Variants in RNF13 observed in about 807,000 individuals in gnomAD.
The protein encoded by RNF13 is E3 ubiquitin-protein ligase RNF13.
In RNF13, 19 loss-of-function variants were observed where a neutral mutation model predicts 37.7. The ratio of observed to expected loss-of-function variants is 0.50; its 90% CI spans 0.35 to 0.74. RNF13 has a LOEUF of 0.74. Ranked by LOEUF, RNF13 falls within the 30% of genes least tolerant of loss-of-function variation. The pLI, the probability that RNF13 is intolerant of heterozygous loss-of-function variation, is 0.01. For missense variants in RNF13, 375 were observed against 453.0 expected, an observed-to-expected ratio of 0.83 and a Z score of 1.56; for synonymous variants, 144 against 157.8, an observed-to-expected ratio of 0.91 and a Z score of 0.65.
chr3:149,926,941 C>T (rs1466261698), intron 8 of RNF13, among the ~76,000 whole-genome samples: 3 of 151,970 alleles, frequency 2.0e-5, no homozygotes, highest in Admixed American at 2.0e-4. Flanking sequence ...AGGTAAAAAT[C>T]GAATTGTCAA....
At chr3:149,960,632 C>T in intron 9 of RNF13, 108 bp from the exon 10 acceptor site, 1 of 1,030,194 alleles carries the variant, frequency 9.7e-7, no homozygotes, top group Non-Finnish European at 1.4e-6. Flanking sequence ...AACTTTCTTC[C>T]CGTCCCTACA....
intron 8 of RNF13, among the ~76,000 whole-genome samples, chr3:149,955,165 T>C (rs972961835): frequency 2.0e-5 from 3 of 152,130 alleles, no homozygotes; most frequent in Admixed American, 1.3e-4. Context: ...GAAGATTATA[T>C]GTACAGGAGG....
At chr3:149,941,360 GCT>G (rs1274545070) in intron 8 of RNF13, among the ~76,000 whole-genome samples, 1 of 151,906 alleles carries the variant, frequency 6.6e-6, no homozygotes, top group African/African-American at 2.4e-5. Flanking sequence ...CTTACATTCT[GCT>G]CTTTTGTTAG....
intron 8 of RNF13, among the ~76,000 whole-genome samples, chr3:149,931,868 A>G (rs1719194278): frequency 6.6e-6 from 1 of 152,110 alleles, no homozygotes; most frequent in African/African-American, 2.4e-5. Context: ...GCATCTGGTA[A>G]CCACCAGTTT....
Position 149,815,275 on chromosome 3 carries a change from G to A in RNF13, c.-17+1922G>A, listed in dbSNP as rs567724732. 1.6e-3 allele frequency among the ~76,000 whole-genome samples: 238 copies of A among 152,268 alleles called. 2 individuals carry two copies. The East Asian group carries it at 0.017, about 11-fold the overall frequency. ...TTATGTCTTTGAGTTAAGTTGGCTA[G>A]GAAGGCATTTTATGCCTTATAGTTC... On this transcript the variant is annotated intron_variant, in intron 1 of 9. Coordinates refer to ENST00000392894, the MANE Select transcript of RNF13 (RefSeq NM_183381.3).
chr3:149,860,540 A>G (rs1034687580), intron 3 of RNF13, among the ~76,000 whole-genome samples: 1 of 152,006 alleles, frequency 6.6e-6, no homozygotes, highest in African/African-American at 2.4e-5. Flanking sequence ...TCTTCAATAA[A>G]GAATGCTGGG....
chr3:149,924,652 C>CAG (rs1553768411), intron 8 of RNF13, among the ~76,000 whole-genome samples: 1 of 152,046 alleles, frequency 6.6e-6, no homozygotes, highest in African/African-American at 2.4e-5. Flanking sequence ...GAGCAGTTGA[C>CAG]AGAGTGGTCA....
At chr3:149,932,378 C>T (rs1179831452) in intron 8 of RNF13, among the ~76,000 whole-genome samples, 1 of 152,120 alleles carries the variant, frequency 6.6e-6, no homozygotes, top group Admixed American at 6.5e-5. Context: ...CATCTCTTCC[C>T]AGTAGTATCC....
chr3:149,830,801 G>A (rs926366002), intron 1 of RNF13, among the ~76,000 whole-genome samples: 1 of 152,148 alleles, frequency 6.6e-6, no homozygotes, highest in Non-Finnish European at 1.5e-5. Flanking sequence ...CTTCATGGCA[G>A]CCCCTCCTAT....
intron 1 of RNF13, among the ~76,000 whole-genome samples, chr3:149,820,646 G>GA (rs904389223): frequency 4.6e-5 from 7 of 151,366 alleles, no homozygotes; most frequent in African/African-American, 9.7e-5. Context: ...GCTTTTTTTG[G>GA]AAAAAAAATT....
At chr3:149,946,722 G>T (rs192759925) in intron 8 of RNF13, among the ~76,000 whole-genome samples, 1 of 152,124 alleles carries the variant, frequency 6.6e-6, no homozygotes, top group Non-Finnish European at 1.5e-5. Context: ...TGCAGCTAAA[G>T]ATTTGCTAAT....
intron 3 of RNF13, among the ~76,000 whole-genome samples, chr3:149,868,811 G>A (rs1396269427): frequency 3.3e-5 from 5 of 151,702 alleles, no homozygotes; most frequent in Admixed American, 2.0e-4. Context: ...TTTGATTAGT[G>A]TATGTCTTGG....
chr3:149,949,249 T>C (rs1721073609), intron 8 of RNF13, among the ~76,000 whole-genome samples: 1 of 152,146 alleles, frequency 6.6e-6, no homozygotes, highest in South Asian at 2.1e-4. Flanking sequence ...TCCCTCAATT[T>C]TTATCTGAGA....
chr3:149,827,000 C>T (rs1392548066), intron 1 of RNF13, among the ~76,000 whole-genome samples: 1 of 152,140 alleles, frequency 6.6e-6, no homozygotes, highest in African/African-American at 2.4e-5. Flanking sequence ...TCAAGCAGTC[C>T]ACCTACCTTA....
chr3:149,842,253 A>C (rs1193655105), intron 1 of RNF13, among the ~76,000 whole-genome samples: 1 of 152,094 alleles, frequency 6.6e-6, no homozygotes, highest in African/African-American at 2.4e-5. Flanking sequence ...TTGCCTGTGT[A>C]CATGTCCACC....
At chr3:149,909,442 ATTTTTTTTT>A (rs35918938) in intron 6 of RNF13, among the ~76,000 whole-genome samples, 2 of 114,422 alleles carry the variant, frequency 1.7e-5, no homozygotes, top group Non-Finnish European at 3.4e-5. Flanking sequence ...TGCCTGGTTA[ATTTTTTTTT>A]TTTTTTTTTT....
At chr3:149,955,408 GAA>G (rs1189954081) in intron 8 of RNF13, among the ~76,000 whole-genome samples, 4 of 151,902 alleles carry the variant, frequency 2.6e-5, no homozygotes, top group Admixed American at 2.6e-4. Flanking sequence ...GAAATAATCA[GAA>G]AGAGTTCTCA....
At chr3:149,926,609 T>G (rs1718681378) in intron 8 of RNF13, among the ~76,000 whole-genome samples, 1 of 152,224 alleles carries the variant, frequency 6.6e-6, no homozygotes, top group South Asian at 2.1e-4. Flanking sequence ...TTGTGTTTAA[T>G]CCACATGAAT....
intron 3 of RNF13, 60 bp from the exon 4 acceptor site, chr3:149,871,969 A>G: frequency 7.1e-7 from 1 of 1,412,730 alleles, no homozygotes; most frequent in South Asian, 1.4e-5. Context: ...TATTTGTAGA[A>G]GTAAGTTGAT....
Sources: allele counts gnomAD v4.1 joint callset (sites outside exome capture counted in the v4.1 genomes callset), GRCh38; gene constraint gnomAD v4.1.1; transcripts MANE v1.5; gene names NCBI Gene and HGNC (gene_info 2026-07-23, HGNC 2026-07-21).